GRIK1: variants seen among roughly 807,000 people sequenced by gnomAD.
GRIK1 encodes glutamate receptor ionotropic, kainate 1.
A neutral mutation model predicts 105.7 loss-of-function variants in GRIK1; 69 were observed. The ratio of observed to expected loss-of-function variants is 0.65; its 90% CI spans 0.54 to 0.80. The LOEUF (loss-of-function observed/expected upper bound fraction) is 0.80. GRIK1 is among the 30% of genes least tolerant of loss of function. GRIK1 has a pLI of 0.00. For synonymous variants in GRIK1, 438 were observed against 431.3 expected (o/e 1.02, Z -0.19); for missense variants, 1,109 against 1,167.3 (o/e 0.95, Z 0.73).
chr21:29,683,980 C>T (rs2063431411), intron 3 of GRIK1, among the ~76,000 whole-genome samples: 1 of 152,146 alleles, frequency 6.6e-6, no homozygotes, highest in Non-Finnish European at 1.5e-5. Context: ...TAAATTTTTA[C>T]TCAAACGTTA....
At chr21:29,624,639 CCT>C (rs902271746) in intron 7 of GRIK1, among the ~76,000 whole-genome samples, 2 of 152,214 alleles carry the variant, frequency 1.3e-5, no homozygotes, top group African/African-American at 4.8e-5. Flanking sequence ...TGAATGTTTT[CCT>C]CTGTTTCTCT....
intron 16 of GRIK1, among the ~76,000 whole-genome samples, chr21:29,541,532 A>G (rs1014178115): frequency 6.8e-6 from 1 of 147,308 alleles, no homozygotes; most frequent in African/African-American, 2.6e-5. Context: ...TTTATATACC[A>G]TAGTATATAT....
chr21:29,625,960 C>T (rs2062119602), intron 7 of GRIK1, among the ~76,000 whole-genome samples: 1 of 152,112 alleles, frequency 6.6e-6, no homozygotes, highest in Admixed American at 6.5e-5. Flanking sequence ...TAACCCCCAG[C>T]AGCTTAGAAT....
intron 10 of GRIK1, among the ~76,000 whole-genome samples, chr21:29,589,424 CTTTTT>C (rs71822803): frequency 7.3e-6 from 1 of 137,272 alleles, no homozygotes; most frequent in African/African-American, 2.7e-5. Context: ...ACCCTTCTGG[CTTTTT>C]TTTTTTTTTT....
At chr21:29,856,922 AG>A (rs2068481882) in intron 1 of GRIK1, among the ~76,000 whole-genome samples, 1 of 152,144 alleles carries the variant, frequency 6.6e-6, no homozygotes, top group African/African-American at 2.4e-5. Flanking sequence ...GTTATATTTG[AG>A]GAACTGCCAG....
chr21:29,856,798 A>T (rs958544724), intron 1 of GRIK1, among the ~76,000 whole-genome samples: 1 of 152,166 alleles, frequency 6.6e-6, no homozygotes, highest in Non-Finnish European at 1.5e-5. Flanking sequence ...AGCTTACAGA[A>T]ATCTCAGCAC....
intron 16 of GRIK1, among the ~76,000 whole-genome samples, chr21:29,550,107 CAAAAAA>C (rs34939329): frequency 0.039 from 2,052 of 53,262 alleles, 20 homozygotes; most frequent in Non-Finnish European, 0.055. Flanking sequence ...GACTCCATCT[CAAAAAA>C]AAAAAAAAAA....
intron 1 of GRIK1, among the ~76,000 whole-genome samples, chr21:29,813,876 A>T (rs2832445): frequency 0.36 from 54,439 of 150,222 alleles, 11,451 homozygotes; most frequent in South Asian, 0.52. Flanking sequence ...ACTACGTACT[A>T]AACACTGAGG....
At chr21:29,654,643 G>T in intron 5 of GRIK1, among the ~76,000 whole-genome samples, 167 bp downstream of exon 5, 1 of 94,282 alleles carries the variant, frequency 1.1e-5, no homozygotes, top group East Asian at 3.4e-4. Flanking sequence ...AAGAAAGAAA[G>T]AAAAAAAGCC....
chr21:29,752,181 C>T (rs74981154), intron 1 of GRIK1, among the ~76,000 whole-genome samples: 6,430 of 152,230 alleles, frequency 0.042, 194 homozygotes, highest in Non-Finnish European at 0.066. Context: ...ACTTTTAACG[C>T]TTCTGTAGAT....
chr21:29,746,862 A>G (rs1393388414), intron 1 of GRIK1, among the ~76,000 whole-genome samples: 1 of 152,248 alleles, frequency 6.6e-6, no homozygotes, highest in African/African-American at 2.4e-5. Context: ...GAGAAAAAGA[A>G]AACATTTTTT....
At chr21:29,839,040 A>ATTTCT (rs57325641) in intron 1 of GRIK1, among the ~76,000 whole-genome samples, 78,320 of 150,564 alleles carry the variant, frequency 0.52, 21,314 homozygotes, top group East Asian at 0.78. Flanking sequence ...TACTATAGGG[A>ATTTCT]TTTCTTTTCT....
At chr21:29,743,702 A>AT (rs1190487291) in intron 1 of GRIK1, among the ~76,000 whole-genome samples, 2 of 152,052 alleles carry the variant, frequency 1.3e-5, no homozygotes, top group Non-Finnish European at 2.9e-5. Flanking sequence ...CTCAGAAAAA[A>AT]ATATATATAT....
intron 7 of GRIK1, among the ~76,000 whole-genome samples, chr21:29,609,453 A>T (rs904218677): frequency 2.0e-5 from 3 of 152,184 alleles, no homozygotes; most frequent in African/African-American, 7.2e-5. Flanking sequence ...TGTCAATTTG[A>T]CTGGGTGATG....
intron 1 of GRIK1, among the ~76,000 whole-genome samples, chr21:29,795,383 T>C (rs2066529519): frequency 6.6e-6 from 1 of 152,102 alleles, no homozygotes; most frequent in Admixed American, 6.5e-5. Context: ...TATTTTTCCC[T>C]GATCTTTTAC....
At chr21:29,697,968 T>C (rs1043995392) in intron 1 of GRIK1, among the ~76,000 whole-genome samples, 9 of 150,372 alleles carry the variant, frequency 6.0e-5, no homozygotes, top group African/African-American at 1.7e-4. Flanking sequence ...TTCCTTTCTT[T>C]CTTTCTCTCT....
chr21:29,667,667 A>G (rs1026694834), intron 4 of GRIK1, among the ~76,000 whole-genome samples: 6 of 152,216 alleles, frequency 3.9e-5, no homozygotes, highest in African/African-American at 1.4e-4. Context: ...AGTGGGAAAC[A>G]GCATGTTCAT....
At chr21:29,751,775 C>A (rs2065209339) in intron 1 of GRIK1, among the ~76,000 whole-genome samples, 2 of 152,172 alleles carry the variant, frequency 1.3e-5, no homozygotes, top group Admixed American at 6.5e-5. Context: ...ACATAGGTTG[C>A]AAGTAATCTG....
chr21:29,800,293 G>C (rs576533282), intron 1 of GRIK1, among the ~76,000 whole-genome samples: 6 of 152,288 alleles, frequency 3.9e-5, no homozygotes, highest in African/African-American at 1.2e-4. Context: ...GCTTATCTCT[G>C]AGAACAGTAG....
Sources: allele counts gnomAD v4.1 joint callset (sites outside exome capture counted in the v4.1 genomes callset), GRCh38; gene constraint gnomAD v4.1.1; transcripts MANE v1.5; gene names NCBI Gene and HGNC (gene_info 2026-07-23, HGNC 2026-07-21).